The following EIF3I variants were observed in gnomAD, a reference collection of about 807,000 sequenced individuals.
EIF3I encodes eukaryotic translation initiation factor 3 subunit I, also known as TGF-beta receptor-interacting protein 1.
Under a neutral mutation model 43.3 loss-of-function variants are expected in EIF3I, and 20 were observed. That is an observed-to-expected ratio of 0.46 (90% CI 0.32 to 0.67). EIF3I has a LOEUF of 0.67. EIF3I is among the 30% of genes least tolerant of loss of function. The pLI is 0.03. For synonymous variants in EIF3I, 167 were observed against 151.7 expected (o/e 1.10, Z -0.74); for missense variants, 279 against 421.4 (o/e 0.66, Z 2.96).
At chr1:32,225,110 AG>A (rs1325248009) in intron 4 of EIF3I, among the ~76,000 whole-genome samples, 2 of 152,088 alleles carry the variant, frequency 1.3e-5, no homozygotes. Flanking sequence ...CTGGGATTAC[AG>A]GCATGAGCCA....
chr1:32,230,850 T>A, intron 10 of EIF3I, 77 bp from the exon 10 acceptor site: 1 of 1,011,402 alleles, frequency 9.9e-7, no homozygotes, highest in Non-Finnish European at 1.5e-6. Context: ...AATAACAATT[T>A]GCATTTGGGG....
At chr1:32,227,343 T>C (rs1639164213) in intron 6 of EIF3I, among the ~76,000 whole-genome samples, 1 of 151,328 alleles carries the variant, frequency 6.6e-6, no homozygotes, top group Non-Finnish European at 1.5e-5. Context: ...GATTCAAATG[T>C]AGATTTCACC....
chr1:32,230,196 C>T (rs1639214356), intron 9 of EIF3I, among the ~76,000 whole-genome samples: 1 of 150,280 alleles, frequency 6.7e-6, no homozygotes, highest in Admixed American at 6.6e-5. Flanking sequence ...CACCAATTTC[C>T]ATCTTATTTT....
At chr1:32,235,782 C>T (rs879342456), downstream of EIF3I, among the ~76,000 whole-genome samples, 6 of 152,154 alleles carry the variant, frequency 3.9e-5, no homozygotes, top group Admixed American at 6.6e-5. Context: ...TGATGTACAC[C>T]AGTCTGATGG....
chr1:32,231,744 C>T (rs375615002), downstream of EIF3I: 9 of 154,164 alleles, frequency 5.8e-5, no homozygotes, highest in East Asian at 1.5e-3. Flanking sequence ...TTTGGCTAAC[C>T]TGGGTTGCAG....
At chr1:32,227,019 G>C (rs1248863752) in intron 6 of EIF3I, among the ~76,000 whole-genome samples, 1 of 151,268 alleles carries the variant, frequency 6.6e-6, no homozygotes, top group Non-Finnish European at 1.5e-5. Flanking sequence ...TTTTAGTAGA[G>C]ATGGGGTTTC....
At position 32,224,868 on chromosome 1, in the gene EIF3I, G is replaced by A. The variant is rs1055390539; in HGVS notation, c.250+393G>A. 2.7e-5 allele frequency among the ~76,000 whole-genome samples: 4 copies of A among 148,686 alleles called. No individual in the cohort carries two copies. In the South Asian group the frequency reaches 8.6e-4, roughly 32 times the overall value. On this transcript the variant is annotated intron_variant, in intron 4 of 11. Transcript: ENST00000676679. ...TTTTTTTGAGACAGATTCTCTCGCT[G>A]TGTCACCCAGGCTGGAGTGCAGTGG...
intron 4 of EIF3I, among the ~76,000 whole-genome samples, chr1:32,225,421 A>G (rs555773784): frequency 1.6e-4 from 25 of 152,202 alleles, no homozygotes; most frequent in African/African-American, 5.5e-4. Flanking sequence ...CATTAGCAGG[A>G]TGTCTGAGGA....
At chr1:32,226,567 A>ATT (rs373073695) in intron 6 of EIF3I, 37 bp downstream of exon 6, 1,523 of 1,292,356 alleles carry the variant, frequency 1.2e-3, no homozygotes, top group East Asian at 3.5e-3. Context: ...TACCAGAATA[A>ATT]TTTTTTTTTT....
rs546350276 is a variant in EIF3I, at chr1:32,224,373, C to G, written c.185-37C>G. ...TTGGCATCCCAAGAGGACAAGGGCT[C>G]GGGTGAACTTCGTCATATTTCTTAA... is the stretch of plus-strand genomic sequence containing the variant. On this transcript the variant is annotated intron_variant, in intron 3 of 11. Transcript: ENST00000676679. The G allele has an allele frequency of 8.8e-6, 14 of 1,583,516 alleles. No homozygotes were observed. The Admixed American group carries it at 2.3e-4, about 26-fold the overall frequency.
At position 32,223,347 on chromosome 1, in the gene EIF3I, G is replaced by A. The variant is rs530405532; in HGVS notation, c.97-687G>A. 3.0e-4 allele frequency among the ~76,000 whole-genome samples: 46 copies of A among 152,252 alleles called. No homozygotes were observed. In the South Asian group the frequency reaches 6.6e-3, roughly 22 times the overall value. ...CGCCTAGGCTGGAGTGCAGTGGCGC[G>A]ATCTCGACTCACTGCAACCTCTGCC... On this transcript the variant is annotated intron_variant, in intron 2 of 11. Transcript: ENST00000676679.
intron 2 of EIF3I, 94 bp downstream of exon 2, chr1:32,222,724 A>G (rs1261281947): frequency 7.9e-7 from 1 of 1,271,276 alleles, no homozygotes; most frequent in East Asian, 2.3e-5. Context: ...GGGGAACCAA[A>G]GAGCAGCCCA....
At chr1:32,232,458 G>A (rs1213512299), downstream of EIF3I, among the ~76,000 whole-genome samples, 1 of 152,198 alleles carries the variant, frequency 6.6e-6, no homozygotes, top group Non-Finnish European at 1.5e-5. Flanking sequence ...TTAAGAATGT[G>A]ATGTTTGAGC....
intron 4 of EIF3I, 127 bp downstream of exon 4, chr1:32,224,602 A>G (rs1199860470): frequency 1.6e-6 from 1 of 644,316 alleles, no homozygotes; most frequent in African/African-American, 1.8e-5. Flanking sequence ...AATAAGAGAC[A>G]AGAAAGATAG....
chr1:32,235,377 C>A (rs953215320), downstream of EIF3I, among the ~76,000 whole-genome samples: 8 of 151,266 alleles, frequency 5.3e-5, no homozygotes, highest in African/African-American at 2.0e-4. Flanking sequence ...TGTCTCCAGG[C>A]TGGAGTGCAG....
At chr1:32,230,564 G>A (rs1639219949) in intron 10 of EIF3I, among the ~76,000 whole-genome samples, 1 of 152,210 alleles carries the variant, frequency 6.6e-6, no homozygotes, top group Non-Finnish European at 1.5e-5. Context: ...TTGAGGCCAG[G>A]TGTGGTGGCT....
At chr1:32,228,549 C>T (rs753146408) in exon 7 of EIF3I, 14 of 1,614,198 alleles carry the variant, frequency 8.7e-6, no homozygotes, top group Non-Finnish European at 1.2e-5. Context: ...AGATCAACGA[C>T]ATCCAGTTAT....
downstream of EIF3I, among the ~76,000 whole-genome samples, chr1:32,233,062 C>T (rs1236433329): frequency 1.3e-5 from 2 of 152,182 alleles, no homozygotes; most frequent in African/African-American, 2.4e-5. Flanking sequence ...GGCATGATCT[C>T]GGCTCACTGC....
intron 4 of EIF3I, among the ~76,000 whole-genome samples, chr1:32,224,732 A>G (rs987495029): frequency 6.8e-6 from 1 of 147,812 alleles, no homozygotes; most frequent in African/African-American, 2.5e-5. Flanking sequence ...GAGCAATGGC[A>G]CTATCTCGGC....
Sources: gnomAD v4.1 joint callset for allele counts (sites outside exome capture counted in the v4.1 genomes callset) on GRCh38, gnomAD v4.1.1 for gene constraint, MANE v1.5 for transcripts, NCBI Gene and HGNC (gene_info 2026-07-23, HGNC 2026-07-21) for gene names.